SLC25A48: variants seen among roughly 807,000 people sequenced by gnomAD.
SLC25A48 encodes the protein CTC-321K16.1.
SLC25A48 carries 29 observed loss-of-function variants against 32.2 expected under a neutral mutation model. The observed-to-expected ratio is 0.90, with a 90% CI of 0.67 to 1.23. The LOEUF (loss-of-function observed/expected upper bound fraction) is 1.23. Among genes scored for constraint, SLC25A48 ranks in the 50% most tolerant of loss-of-function variants. The pLI is 0.00. For synonymous variants in SLC25A48, 164 were observed against 172.3 expected (o/e 0.95, Z 0.38); for missense variants, 399 against 422.7 (o/e 0.94, Z 0.49).
At chr5:135,586,907 G>A (rs998690212) in intron 1 of SLC25A48, among the ~76,000 whole-genome samples, 7 of 152,204 alleles carry the variant, frequency 4.6e-5, no homozygotes, top group Non-Finnish European at 1.0e-4. Flanking sequence ...ATTCGGTTTT[G>A]CCTTATGAGA....
At chr5:135,666,913 G>A (rs1428134809) in intron 3 of SLC25A48, among the ~76,000 whole-genome samples, 1 of 152,096 alleles carries the variant, frequency 6.6e-6, no homozygotes, top group African/African-American at 2.4e-5. Flanking sequence ...ACAGGAATAA[G>A]GTTTACCATG....
chr5:135,754,179 G>A (rs962981078), intron 3 of SLC25A48, among the ~76,000 whole-genome samples: 22 of 152,108 alleles, frequency 1.4e-4, no homozygotes, highest in African/African-American at 4.8e-4. Flanking sequence ...GTCATATCTC[G>A]ATTATATTAT....
intron 4 of SLC25A48, 130 bp downstream of exon 4, chr5:135,852,951 A>C: frequency 8.1e-7 from 1 of 1,232,510 alleles, no homozygotes; most frequent in East Asian, 2.6e-5. Flanking sequence ...AGTAGTCCGT[A>C]ATTACAGGCA....
intron 1 of SLC25A48, among the ~76,000 whole-genome samples, chr5:135,590,561 T>A: frequency 6.6e-6 from 1 of 152,184 alleles, no homozygotes; most frequent in East Asian, 1.9e-4. Context: ...TGAAGGCACC[T>A]GGTTCCCTTA....
At chr5:135,614,981 C>G (rs1752154119) in intron 1 of SLC25A48, among the ~76,000 whole-genome samples, 1 of 152,232 alleles carries the variant, frequency 6.6e-6, no homozygotes, top group South Asian at 2.1e-4. Flanking sequence ...TTCTCTTCAC[C>G]CTCTGCCATG....
At chr5:135,685,721 G>A (rs1340403049) in intron 3 of SLC25A48, among the ~76,000 whole-genome samples, 2 of 152,216 alleles carry the variant, frequency 1.3e-5, no homozygotes, top group Admixed American at 1.3e-4. Context: ...ACCGCACCCA[G>A]CCTATGTAAG....
chr5:135,694,754 T>G (rs1754228766), intron 3 of SLC25A48, among the ~76,000 whole-genome samples: 1 of 152,016 alleles, frequency 6.6e-6, no homozygotes, highest in African/African-American at 2.4e-5. Context: ...GCCTGGCTAA[T>G]TTTTGTATTT....
upstream of SLC25A48, among the ~76,000 whole-genome samples, chr5:135,830,200 C>T (rs539686511): frequency 5.3e-5 from 8 of 152,126 alleles, no homozygotes; most frequent in Non-Finnish European, 1.0e-4. Flanking sequence ...CCAGGCAAAC[C>T]GGGCCAGGAA....
intron 3 of SLC25A48, among the ~76,000 whole-genome samples, chr5:135,795,884 A>C (rs1229234087): frequency 6.9e-6 from 1 of 145,334 alleles, no homozygotes. Context: ...TATGGTTCAT[A>C]ATATCCGTGG....
At position 135,782,798 on chromosome 5, in the gene SLC25A48, C is replaced by T. The variant is rs1444401089; in HGVS notation, c.-520-29725C>T. 1.3e-4 allele frequency among the ~76,000 whole-genome samples: 15 copies of T among 118,806 alleles called. 2 individuals are homozygous for T. The highest frequency in any genetic ancestry group is 3.3e-4 in the African/African-American group (13 of 38,998). The allele number at this position is 118,806 out of a possible 152,430, so 77.9% of individuals were successfully genotyped here. On this transcript the variant is annotated intron_variant, in intron 3 of 10. Transcript: ENST00000646290. Reference sequence around the variant, plus strand: ...TACTCCCAATATCCCTGGGCGTGTACGCCTCCCCTGTGATATTATTCCTAA... The same window carrying T: ...TACTCCCAATATCCCTGGGCGTGTATGCCTCCCCTGTGATATTATTCCTAA...
intron 7 of SLC25A48, among the ~76,000 whole-genome samples, chr5:135,883,926 C>T (rs1762632616): frequency 6.6e-6 from 1 of 152,188 alleles, no homozygotes; most frequent in African/African-American, 2.4e-5. Flanking sequence ...GCTTGTGTCC[C>T]TGCAGCCTCT....
rs372996334 is a variant in SLC25A48, at chr5:135,617,321, A to T, written c.-848-11916A>T. The stretch of plus-strand genomic sequence containing the variant: ...TTGTAATGTCTCCTTTCTATTTCAG[A>T]TTTTGTATATTGGGGTCTTCTCTTT... On this transcript the variant is annotated intron_variant, in intron 1 of 10. Coordinates refer to the SLC25A48 transcript ENST00000646290. Among the ~76,000 whole-genome samples, 45 of 151,914 alleles carry T rather than the reference A, an allele frequency of 3.0e-4. 1 individual carries two copies. In the South Asian group the frequency reaches 9.3e-3, roughly 32 times the overall value.
chr5:135,587,127 C>T (rs1046518003), intron 1 of SLC25A48, among the ~76,000 whole-genome samples: 22 of 152,024 alleles, frequency 1.4e-4, no homozygotes, highest in African/African-American at 4.1e-4. Flanking sequence ...GCCTCCCAGG[C>T]GCAAGTGATC....
At chr5:135,749,815 C>T (rs1386770671) in intron 3 of SLC25A48, among the ~76,000 whole-genome samples, 4 of 152,130 alleles carry the variant, frequency 2.6e-5, no homozygotes, top group Non-Finnish European at 5.9e-5. Context: ...TGGTCTCAAA[C>T]TCCTGACCTC....
At chr5:135,774,406 T>C (rs1029884630) in intron 3 of SLC25A48, among the ~76,000 whole-genome samples, 1 of 151,854 alleles carries the variant, frequency 6.6e-6, no homozygotes, top group Non-Finnish European at 1.5e-5. Flanking sequence ...GAGAGGATGC[T>C]ATTACTCCCA....
In SLC25A48 at chr5:135,874,128, CAG is replaced by C; in HGVS notation, c.790_791del (p.Ser264LeufsTer7). ...TAAAGGTGTCCTGGACTGTATCTCC[CAG>C]AGTTACCAGAAGGAAGGTCTTAAAG... is the stretch of plus-strand genomic sequence containing the variant. ...KYKGVLDCIS[Q>X]SYQKEGLKVF... On this transcript the variant is annotated frameshift_variant, in exon 6 of 8. Transcript: ENST00000681962. LOFTEE classifies it high-confidence loss of function. The C allele has an allele frequency of 6.7e-7, 1 of 1,482,652 alleles. No individual in the cohort carries two copies. The highest frequency in any genetic ancestry group is 8.9e-7 in the Non-Finnish European group (1 of 1,125,888). The allele number at this position is 1,482,652 out of a possible 1,614,324, so 91.8% of individuals were successfully genotyped here. A position where few individuals can be genotyped will look rare whatever the true frequency, so the allele number is the denominator to read the frequency against.
rs544310152 is a variant in SLC25A48 at position 135,736,127 on chromosome 5, C to A, written c.-520-76396C>A. On this transcript the variant is annotated intron_variant, in intron 3 of 10. Transcript: ENST00000646290. The stretch of plus-strand genomic sequence containing the variant: ...GAAAAGGAAGATTGGAAAGACTCAG[C>A]GACACTTGGGGTTGGGACTGAGGGG... Among the ~76,000 whole-genome samples, 3 of 151,910 alleles carry A rather than the reference C, an allele frequency of 2.0e-5. 1 individual carries two copies. The highest frequency in any genetic ancestry group is 7.2e-5 in the African/African-American group (3 of 41,400).
At chr5:135,871,039 G>T (rs750811633) in intron 4 of SLC25A48, among the ~76,000 whole-genome samples, 10 of 148,612 alleles carry the variant, frequency 6.7e-5, no homozygotes, top group Non-Finnish European at 1.3e-4. Flanking sequence ...GCCACACTGT[G>T]CATAAATAAA....
chr5:135,795,192 T>C (rs1757137884), intron 3 of SLC25A48, among the ~76,000 whole-genome samples: 1 of 151,720 alleles, frequency 6.6e-6, no homozygotes, highest in Non-Finnish European at 1.5e-5. Context: ...ACCCACCATG[T>C]GGTATTACTT....
Sources: gnomAD v4.1 joint callset for allele counts (sites outside exome capture counted in the v4.1 genomes callset) on GRCh38, gnomAD v4.1.1 for gene constraint, MANE v1.5 for transcripts, NCBI Gene and HGNC (gene_info 2026-07-23, HGNC 2026-07-21) for gene names.